Variants in ZNF718 observed in about 807,000 individuals in gnomAD.
ZNF718 encodes the protein zinc finger protein 718.
Under a neutral mutation model 2.6 loss-of-function variants are expected in ZNF718, and 3 were observed. That is an observed-to-expected ratio of 1.16 (90% CI 0.53 to 3.01). ZNF718 has a LOEUF of 3.01. ZNF718 is among the 30% of genes most tolerant of loss of function. The pLI is 0.03. For synonymous variants in ZNF718, 135 were observed against 77.9 expected, an observed-to-expected ratio of 1.73 and a Z score of -3.86; for missense variants, 468 against 230.0, an observed-to-expected ratio of 2.03 and a Z score of -6.69.
At chr4:198,899 CT>C (rs1234118426) in intron 3 of ZNF718, among the ~76,000 whole-genome samples, 1 of 152,192 alleles carries the variant, frequency 6.6e-6, no homozygotes, top group Non-Finnish European at 1.5e-5. Context: ...TATTAACTCA[CT>C]TAAGGGACTC....
rs941338749 is a variant in ZNF718 at position 163,649 on chromosome 4, C to T, written c.*1527C>T. On this transcript the variant is annotated 3_prime_UTR_variant, in exon 4 of 4. Coordinates refer to ENST00000510175, the MANE Select transcript of ZNF718 (RefSeq NM_001039127.6). ...AGTAATAAATTGCTTTTACCAGTTG[C>T]ACATTTATGTAATAAAATACAGTAA... 1 of 152,014 alleles carries T rather than the reference C, an allele frequency of 6.6e-6. No homozygotes were observed. Among genetic ancestry groups the T allele is most frequent in the Admixed American group, 6.6e-5 (1 of 15,264 alleles). 9.4% of individuals were successfully genotyped at this position (152,014 alleles called of 1,614,324 possible).
chr4:128,877 A>G lies in ZNF718; in HGVS notation c.4-1911A>G, dbSNP rs1390459101. On this transcript the variant is annotated intron_variant, in intron 1 of 3. Transcript: ENST00000510175. The stretch of plus-strand genomic sequence containing the variant: ...GGAATCTGGAGACTCAAACTGATCA[A>G]TAAGCTAATTGCTTCTATTTCATAT... Among the ~76,000 whole-genome samples, 2 of 104,590 alleles carry G rather than the reference A, an allele frequency of 1.9e-5. 1 individual carries two copies. Among genetic ancestry groups the G allele is most frequent in the African/African-American group, 6.6e-5 (2 of 30,102 alleles). The allele number at this position is 104,590 out of a possible 152,430, so 68.6% of individuals were successfully genotyped here.
At chr4:202,180 A>T (rs1372279860) in exon 5 of ZNF718, 1 of 152,230 alleles carries the variant, frequency 6.6e-6, no homozygotes, top group African/African-American at 2.4e-5. Flanking sequence ...AACCTGTTTC[A>T]CTTGCTTCTC....
rs371726281 is a variant in ZNF718, at chr4:169,273, A to G, written c.227-31808A>G. ...GCTGAGGAGTGCTTTACTTCCAACT[A>G]TGTGGTCGATTTTGGAATAAGTGCA... On this transcript the variant is annotated intron_variant and NMD_transcript_variant, in intron 3 of 4. Coordinates refer to the ZNF718 transcript ENST00000642529. 1.0e-3 allele frequency among the ~76,000 whole-genome samples: 158 copies of G among 152,256 alleles called. 1 individual carries two copies. The Middle Eastern group carries it at 0.014, about 13-fold the overall frequency.
In ZNF718 at chr4:198,945, G is replaced by A. The variant is rs560784085; in HGVS notation, c.227-2136G>A. On this transcript the variant is annotated intron_variant and NMD_transcript_variant, in intron 3 of 4. Transcript: ENST00000642529. ...GGTACTGCTATCTTCACTTTACAGA[G>A]GACATTGAGCACAGGCAAGTAACTT... Among the ~76,000 whole-genome samples, 6 of 152,292 alleles carry A rather than the reference G, an allele frequency of 3.9e-5. No individual in the cohort carries two copies. The East Asian group carries it at 1.2e-3, about 29-fold the overall frequency.
chr4:190,355 G>A (rs913093813), intron 3 of ZNF718, among the ~76,000 whole-genome samples: 16 of 151,534 alleles, frequency 1.1e-4, no homozygotes, highest in Admixed American at 3.3e-4. Context: ...GTGTGGACCC[G>A]GGAAGTGGAG....
chr4:186,763 C>A (rs1323100099), intron 3 of ZNF718, among the ~76,000 whole-genome samples: 1 of 152,136 alleles, frequency 6.6e-6, no homozygotes, highest in Non-Finnish European at 1.5e-5. Flanking sequence ...TTTATCAGGT[C>A]ATTTATGTTT....
At chr4:141,941 A>G (rs1715829909) in intron 3 of ZNF718, 1 of 481,998 alleles carries the variant, frequency 2.1e-6, no homozygotes, top group African/African-American at 2.0e-5. Context: ...TAAAAGCTTT[A>G]CTATGCAAGG....
Position 162,034 on chromosome 4 carries a change from C to G in ZNF718, c.1349C>G (p.Pro450Arg), listed in dbSNP as rs1553815549. ...AAGAAAATTCACACTGTAGATAAACCCTACAAATGTAAAGAATGCGGGAAA... is the reference window on the plus strand; with the variant it reads ...AAGAAAATTCACACTGTAGATAAACGCTACAAATGTAAAGAATGCGGGAAA... ...KHKKIHTVDK[P>R]YKCKECGKAF... The change falls in exon 4 of 4, where the codon CCC becomes CGC. Residue 450 changes from proline to arginine, a missense_variant. Physicochemically the swap from Pro to Arg is moderately radical, Grantham distance 103. Transcript: ENST00000510175. 1.4e-5 allele frequency: 11 copies of G among 777,678 alleles called. No individual in the cohort carries two copies. In the East Asian group the frequency reaches 2.7e-4, roughly 19 times the overall value. The allele number at this position is 777,678 out of a possible 1,614,324, so 48.2% of individuals were successfully genotyped here. A position where few individuals can be genotyped will look rare whatever the true frequency, so the allele number is the denominator to read the frequency against.
Position 162,349 on chromosome 4 carries a change from GA to G in ZNF718, c.*231del. 1 of 405,184 alleles carries G rather than the reference GA, an allele frequency of 2.5e-6. No homozygotes were observed. The highest frequency in any genetic ancestry group is 4.4e-6 in the Non-Finnish European group (1 of 228,174). 25.1% of individuals were successfully genotyped at this position (405,184 alleles called of 1,614,324 possible). ...ATTACTGAATATAATTCTTACTGCA[GA>G]AAACCCCTAGGAATATTAAAAGTGT... On this transcript the variant is annotated 3_prime_UTR_variant, in exon 4 of 4. Coordinates refer to ENST00000510175, the MANE Select transcript of ZNF718 (RefSeq NM_001039127.6).
rs1716816505 is a variant in ZNF718 at position 161,155 on chromosome 4, A to AT, written c.472dup (p.Ser158PhefsTer5). The AT allele has an allele frequency of 1.3e-6, 1 of 759,130 alleles. No homozygotes were observed. Among genetic ancestry groups the AT allele is most frequent in the Admixed American group, 1.8e-5 (1 of 54,412 alleles). The allele number at this position is 759,130 out of a possible 1,614,324, so 47.0% of individuals were successfully genotyped here. On this transcript the variant is annotated frameshift_variant, in exon 4 of 4. Transcript: ENST00000510175. LOFTEE classifies it low-confidence loss of function (END_TRUNC). ...GTCAAAGTTTTTCATAAATTTTCAA[A>AT]TTCAAACAAAGATAAGATAAGATAT...
At chr4:149,899 T>G (rs970747173) in intron 3 of ZNF718, 34 of 152,122 alleles carry the variant, frequency 2.2e-4, no homozygotes, top group Non-Finnish European at 8.8e-5. Flanking sequence ...TAAAATTGCC[T>G]TCTTAAACAT....
chr4:175,257 T>C (rs553194489), intron 3 of ZNF718, among the ~76,000 whole-genome samples: 74 of 152,284 alleles, frequency 4.9e-4, no homozygotes, highest in African/African-American at 1.6e-3. Context: ...GAGAGATGGG[T>C]CTTTTGGATC....
chr4:124,798 G>A, intron 1 of ZNF718, 125 bp downstream of exon 1: 5 of 1,318,332 alleles, frequency 3.8e-6, no homozygotes, highest in Non-Finnish European at 5.2e-6. Flanking sequence ...AGTCCCCTCC[G>A]GTGAGGGACC....
At chr4:144,164 C>T (rs1011837091) in intron 3 of ZNF718, among the ~76,000 whole-genome samples, 10 of 152,186 alleles carry the variant, frequency 6.6e-5, no homozygotes, top group Non-Finnish European at 1.2e-4. Context: ...GTAAGGGGGC[C>T]TTCGAGCCCC....
In ZNF718 at chr4:161,520, G is replaced by A. The variant is rs1553815161; in HGVS notation, c.835G>A (p.Ala279Thr). The A allele has an allele frequency of 2.6e-6, 2 of 780,700 alleles. No individual in the cohort carries two copies. Among genetic ancestry groups the A allele is most frequent in the Non-Finnish European group, 4.8e-6 (2 of 417,926 alleles). The allele number at this position is 780,700 out of a possible 1,614,324, so 48.4% of individuals were successfully genotyped here. The change falls in exon 4 of 4, where the codon GCA becomes ACA. Residue 279 changes from alanine (A) to threonine (T), a missense_variant. Physicochemically the swap from Ala to Thr is moderately conservative, Grantham distance 58. Transcript: ENST00000510175. The part of the protein sequence containing the change: ...TLNLHKRIHS[A>T]QKYYKCEECG... ...TAATTTACATAAGAGAATTCATTCTGCACAAAAATACTACAAATGTGAAGA... is the reference window on the plus strand; with the variant it reads ...TAATTTACATAAGAGAATTCATTCTACACAAAAATACTACAAATGTGAAGA...
chr4:178,974 G>A (rs1717403355), intron 3 of ZNF718, among the ~76,000 whole-genome samples: 1 of 152,086 alleles, frequency 6.6e-6, no homozygotes, highest in Admixed American at 6.6e-5. Context: ...GAAAATTAAT[G>A]TTATTATGCT....
intron 3 of ZNF718, among the ~76,000 whole-genome samples, chr4:177,980 T>C (rs1553819309): frequency 6.6e-6 from 1 of 151,940 alleles, no homozygotes; most frequent in African/African-American, 2.4e-5. Flanking sequence ...GGACGGGAAA[T>C]ACCTGTGAAG....
At chr4:175,279 CTT>C (rs1222408245) in intron 3 of ZNF718, among the ~76,000 whole-genome samples, 1 of 152,188 alleles carries the variant, frequency 6.6e-6, no homozygotes, top group East Asian at 1.9e-4. Context: ...CAACTAACCT[CTT>C]TACAAAAGAA....
Sources: gnomAD v4.1 joint callset for allele counts (sites outside exome capture counted in the v4.1 genomes callset) on GRCh38, gnomAD v4.1.1 for gene constraint, MANE v1.5 for transcripts, NCBI Gene and HGNC (gene_info 2026-07-23, HGNC 2026-07-21) for gene names.